Variants in EIF4G3 observed in about 807,000 individuals in gnomAD.
EIF4G3 encodes the protein eukaryotic translation initiation factor 4 gamma 3, also known as eIF-4-gamma 3.
Under a neutral mutation model 186.4 loss-of-function variants are expected in EIF4G3, and 34 were observed. The ratio of observed to expected loss-of-function variants is 0.18; its 90% CI spans 0.14 to 0.24. The LOEUF is 0.24. Among genes scored for constraint, EIF4G3 ranks in the 10% least tolerant of loss-of-function variants. The probability of loss-of-function intolerance (pLI) is 1.00; values close to 1 mark genes in which losing one functional copy is unlikely to be tolerated. For missense variants in EIF4G3, 1,536 were observed against 1,948.5 expected (o/e 0.79, Z 3.99); for synonymous variants, 673 against 679.5 (o/e 0.99, Z 0.15).
At chr1:20,943,922 GT>G (rs1406046782) in intron 13 of EIF4G3, among the ~76,000 whole-genome samples, 1 of 147,870 alleles carries the variant, frequency 6.8e-6, no homozygotes, top group East Asian at 2.1e-4. Flanking sequence ...CTCAGACTAA[GT>G]TGACAGGGCA....
At chr1:20,918,717 T>C (rs569275244) in intron 14 of EIF4G3, among the ~76,000 whole-genome samples, 56 of 149,758 alleles carry the variant, frequency 3.7e-4, no homozygotes, top group African/African-American at 1.4e-3. Flanking sequence ...TTTTTTTTTT[T>C]TTTTTTTTTA....
chr1:20,997,931 A>C (rs929807893), intron 6 of EIF4G3, among the ~76,000 whole-genome samples: 42 of 151,948 alleles, frequency 2.8e-4, no homozygotes, highest in Admixed American at 2.8e-3. Flanking sequence ...AAAAAAAAAA[A>C]ACCCTAAAAT....
chr1:20,921,917 T>C (rs2094515441), intron 14 of EIF4G3, among the ~76,000 whole-genome samples: 1 of 152,220 alleles, frequency 6.6e-6, no homozygotes, highest in South Asian at 2.1e-4. Flanking sequence ...TTTCTCCAAA[T>C]CTTTGGTGCT....
chr1:20,941,162 C>A, intron 14 of EIF4G3: 1 of 1,446,812 alleles, frequency 6.9e-7, no homozygotes, highest in South Asian at 1.5e-5. Flanking sequence ...TTTCTAGCCC[C>A]AAAGCAGCAA....
intron 18 of EIF4G3, 103 bp downstream of exon 18, chr1:20,893,414 G>T: frequency 1.6e-6 from 2 of 1,228,892 alleles, no homozygotes; most frequent in Non-Finnish European, 2.2e-6. Context: ...TCTTCTTCTT[G>T]ACTAGAATCA....
rs1016663247 is a variant in EIF4G3, at chr1:20,865,243, T to C, written c.2642A>G (p.Asp881Gly). 7 of 1,614,118 alleles carry C rather than the reference T, an allele frequency of 4.3e-6. No homozygotes were observed. Among genetic ancestry groups the C allele is most frequent in the Non-Finnish European group, 5.1e-6 (6 of 1,179,990 alleles). Residue 881 changes from aspartate (D) to glycine (G), a missense_variant, in exon 21 of 37, where the codon GAC becomes GGC. Around this residue, in one of 11 missense-constraint regions of EIF4G3, gnomAD observed 77 missense variants for 131.6 expected, o/e 0.59. Transcript: ENST00000602326. ...GAAATTCACTGTGTTACCAGGCTTGTCTGCCATGGGTACTTTCAGCTACAT... is the reference window on the plus strand; with the variant it reads ...GAAATTCACTGTGTTACCAGGCTTGCCTGCCATGGGTACTTTCAGCTACAT... ...CLVTLKVPMA[D>G]KPGNTVNFRK...
At chr1:20,883,522 C>A (rs976087299) in intron 19 of EIF4G3, among the ~76,000 whole-genome samples, 5 of 151,856 alleles carry the variant, frequency 3.3e-5, no homozygotes, top group African/African-American at 1.2e-4. Context: ...GAGGTTGAGG[C>A]AGAAGAATCA....
At chr1:21,117,107 T>C (rs991228301) in intron 2 of EIF4G3, among the ~76,000 whole-genome samples, 5 of 152,244 alleles carry the variant, frequency 3.3e-5, no homozygotes, top group African/African-American at 1.2e-4. Flanking sequence ...TTAACTTCTA[T>C]ACAAGAAAGG....
At chr1:21,144,011 G>A (rs2097390299) in intron 2 of EIF4G3, among the ~76,000 whole-genome samples, 1 of 152,154 alleles carries the variant, frequency 6.6e-6, no homozygotes, top group African/African-American at 2.4e-5. Context: ...AGGTTCATAG[G>A]CATGAGACAC....
chr1:20,886,104 T>TA, intron 19 of EIF4G3, 97 bp downstream of exon 19: 2 of 1,384,136 alleles, frequency 1.4e-6, no homozygotes, highest in Non-Finnish European at 2.0e-6. Flanking sequence ...TAAAAAGTCT[T>TA]AAACTGATTA....
chr1:21,174,950 G>A (rs2103111100), intron 2 of EIF4G3, among the ~76,000 whole-genome samples: 1 of 152,210 alleles, frequency 6.6e-6, no homozygotes, highest in Middle Eastern at 3.4e-3. Flanking sequence ...ACTCTAGAAG[G>A]GAGATTGCTT....
intron 15 of EIF4G3, among the ~76,000 whole-genome samples, chr1:20,902,153 T>A (rs1382312013): frequency 6.6e-6 from 1 of 151,392 alleles, no homozygotes; most frequent in East Asian, 1.9e-4. Flanking sequence ...AATCTCCGCC[T>A]CCCAGGTTCA....
At chr1:20,820,471 G>C (rs2062059001) in intron 33 of EIF4G3, among the ~76,000 whole-genome samples, 1 of 152,168 alleles carries the variant, frequency 6.6e-6, no homozygotes, top group African/African-American at 2.4e-5. Flanking sequence ...CCAAGCCCCA[G>C]GGCCATGAAT....
chr1:21,092,675 C>T (rs2096244778), intron 2 of EIF4G3, among the ~76,000 whole-genome samples: 1 of 152,158 alleles, frequency 6.6e-6, no homozygotes, highest in Admixed American at 6.5e-5. Context: ...AAGCTGGAGG[C>T]ATCACACTAC....
chr1:20,843,350 C>G (rs2069425583), intron 29 of EIF4G3, among the ~76,000 whole-genome samples: 1 of 151,890 alleles, frequency 6.6e-6, no homozygotes, highest in Non-Finnish European at 1.5e-5. Flanking sequence ...AACCCCGTGT[C>G]TACCAAAAAT....
intron 13 of EIF4G3, among the ~76,000 whole-genome samples, chr1:20,946,888 T>C (rs1252199945): frequency 6.6e-6 from 1 of 152,006 alleles, no homozygotes; most frequent in Non-Finnish European, 1.5e-5. Context: ...TAACATGAGA[T>C]TGTGTAACTG....
intron 2 of EIF4G3, among the ~76,000 whole-genome samples, chr1:21,127,636 A>T (rs529950561): frequency 6.5e-4 from 99 of 152,328 alleles, no homozygotes; most frequent in African/African-American, 2.4e-3. Context: ...GCAATAAAAG[A>T]TTGTTTTGAG....
At chr1:21,017,579 G>C (rs1319622057) in intron 4 of EIF4G3, among the ~76,000 whole-genome samples, 9 of 123,782 alleles carry the variant, frequency 7.3e-5, no homozygotes, top group Non-Finnish European at 3.1e-5. Context: ...AGTGAGCCAA[G>C]ATCGTGCCAC....
chr1:20,882,207 AC>A (rs1558059171), intron 19 of EIF4G3, among the ~76,000 whole-genome samples: 4,601 of 149,204 alleles, frequency 0.031, 156 homozygotes, highest in East Asian at 0.15. Flanking sequence ...ACACACACAC[AC>A]ACACACAAAA....
Sources: gnomAD v4.1 joint callset for allele counts (sites outside exome capture counted in the v4.1 genomes callset) on GRCh38, gnomAD v4.1.1 for gene constraint, gnomAD v4.1.1 regional missense constraint, MANE v1.5 for transcripts, NCBI Gene and HGNC (gene_info 2026-07-23, HGNC 2026-07-21) for gene names.